Variants in C8A observed in about 807,000 individuals in gnomAD.
C8A encodes the protein complement component C8 alpha chain.
C8A carries 67 observed loss-of-function variants against 65.3 expected under a neutral mutation model. The observed-to-expected ratio is 1.03, with a 90% CI of 0.84 to 1.26. C8A has a LOEUF of 1.26. Ranked by LOEUF, C8A falls within the 50% of genes most tolerant of loss-of-function variation. C8A has a pLI of 0.00. For missense variants in C8A, 781 were observed against 723.9 expected (o/e 1.08, Z -0.90); for synonymous variants, 290 against 259.4 (o/e 1.12, Z -1.13).
chr1:56,912,455 C>T lies in C8A; in HGVS notation c.1433C>T (p.Ala478Val). 6.2e-7 allele frequency: 1 copy of T among 1,614,224 alleles called. No homozygotes were observed. Among genetic ancestry groups the T allele is most frequent in the Middle Eastern group, 1.6e-4 (1 of 6,062 alleles). ...CACACAAGCCTGGGGCCTCTGGAGG[C>T]CAAGCGCCAGAACCTGCGCCGCGCC... ...LRHTSLGPLE[A>V]KRQNLRRALD... The change falls in exon 10 of 11, where the codon GCC becomes GTC. Residue 478 changes from alanine to valine, a missense_variant. Transcript: ENST00000361249.
intron 2 of C8A, among the ~76,000 whole-genome samples, 166 bp downstream of exon 2, chr1:56,867,868 G>A (rs969657173): frequency 1.3e-5 from 2 of 151,770 alleles, no homozygotes; most frequent in Admixed American, 6.6e-5. Context: ...TTGTTTCCGT[G>A]TCTCCTAATT....
At chr1:56,916,684 G>A (rs959449618) in intron 10 of C8A, among the ~76,000 whole-genome samples, 6 of 151,938 alleles carry the variant, frequency 3.9e-5, no homozygotes, top group African/African-American at 1.5e-4. Context: ...AGAGGTTGGG[G>A]GTCTATGTAA....
chr1:56,855,247 C>A (rs1329528952), intron 1 of C8A, among the ~76,000 whole-genome samples: 1 of 152,114 alleles, frequency 6.6e-6, no homozygotes, highest in Admixed American at 6.5e-5. Flanking sequence ...GTTTCCCTAG[C>A]TGTAAAATGA....
intron 9 of C8A, among the ~76,000 whole-genome samples, chr1:56,908,639 C>T (rs1302382743): frequency 6.6e-6 from 1 of 152,138 alleles, no homozygotes; most frequent in Non-Finnish European, 1.5e-5. Context: ...TGGACTTGGA[C>T]CCAGGCTGCA....
intron 2 of C8A, among the ~76,000 whole-genome samples, chr1:56,868,231 G>A (rs1235927055): frequency 6.6e-6 from 1 of 151,848 alleles, no homozygotes; most frequent in Non-Finnish European, 1.5e-5. Flanking sequence ...ATGAAGGGAA[G>A]AGGGATGTTG....
intron 10 of C8A, among the ~76,000 whole-genome samples, chr1:56,912,954 T>G (rs1162477121): frequency 2.0e-5 from 3 of 152,210 alleles, no homozygotes; most frequent in Non-Finnish European, 4.4e-5. Context: ...AGAAGTGTAT[T>G]GTTTCAGACC....
In C8A at chr1:56,876,066, C is replaced by T; in HGVS notation, c.321C>T (p.Arg107=). 6.2e-7 allele frequency: 1 copy of T among 1,613,550 alleles called. No homozygotes were observed. The highest frequency in any genetic ancestry group is 8.5e-7 in the Non-Finnish European group (1 of 1,179,784). Residue 107 remains arginine (R), a synonymous_variant, in exon 4 of 11, where the codon CGC becomes CGT. Transcript: ENST00000361249. ...GQDFQCKETG[R]CLKRHLVCNG... is the part of the protein sequence containing the mutation. ...GCCACAGTCTCTTCTCTCCAGGTCG[C>T]TGCCTGAAACGCCACCTTGTGTGTA...
chr1:56,870,742 C>G (rs188532229), intron 2 of C8A, among the ~76,000 whole-genome samples: 4 of 149,636 alleles, frequency 2.7e-5, no homozygotes, highest in Non-Finnish European at 5.9e-5. Flanking sequence ...CAGTTTAAAT[C>G]AGAATAGAAT....
chr1:56,904,202 G>T (rs2284952), intron 7 of C8A, among the ~76,000 whole-genome samples: 75,586 of 151,892 alleles, frequency 0.5, 19,908 homozygotes, highest in African/African-American at 0.68. Context: ...TCCTGGATTT[G>T]GGTACCAGGT....
chr1:56,914,953 C>T (rs1774892), intron 10 of C8A, among the ~76,000 whole-genome samples: 15,614 of 152,244 alleles, frequency 0.1, 1,258 homozygotes, highest in African/African-American at 0.22. Context: ...CCTGGGATTA[C>T]AGGCATGAGC....
At chr1:56,900,207 T>C (rs112877476) in intron 7 of C8A, among the ~76,000 whole-genome samples, 7 of 152,308 alleles carry the variant, frequency 4.6e-5, no homozygotes, top group African/African-American at 1.7e-4. Flanking sequence ...GCATGATGAA[T>C]GTTCCTCTGC....
chr1:56,856,149 G>T (rs560087850), intron 1 of C8A, among the ~76,000 whole-genome samples: 1 of 152,206 alleles, frequency 6.6e-6, no homozygotes, highest in Admixed American at 6.5e-5. Flanking sequence ...AAGTGCTGAA[G>T]GAGGAAATCA....
chr1:56,865,237 A>C lies in C8A; in HGVS notation c.78-2372A>C, dbSNP rs569371439. ...AGTTAAGGTAGCCACTTGTCTTACT[A>C]CTTGGACTACTATAACAAATTACCA... On this transcript the variant is annotated intron_variant, in intron 1 of 10. Transcript: ENST00000361249. 3.3e-5 allele frequency among the ~76,000 whole-genome samples: 5 copies of C among 152,332 alleles called. No individual in the cohort carries two copies. In the South Asian group the frequency reaches 1.0e-3, roughly 32 times the overall value.
At chr1:56,863,033 T>G (rs575887668) in intron 1 of C8A, among the ~76,000 whole-genome samples, 1 of 152,292 alleles carries the variant, frequency 6.6e-6, no homozygotes, top group African/African-American at 2.4e-5. Context: ...CAATGTGTAT[T>G]ACCATAAATA....
At position 56,883,537 on chromosome 1, in the gene C8A, T is replaced by C; in HGVS notation, c.711T>C (p.Leu237=). Reference sequence around the variant, plus strand: ...TTTATGATAATGCAAATGACCTTCTTTCCAAAGTTAAAAAAGACAAGTCTG... The same window carrying C: ...TTTATGATAATGCAAATGACCTTCTCTCCAAAGTTAAAAAAGACAAGTCTG... ...SEFYDNANDL[L]SKVKKDKSDS... The change falls in exon 6 of 11, where the codon CTT becomes CTC. Residue 237 remains leucine, a synonymous_variant. Transcript: ENST00000361249. 6.2e-7 allele frequency: 1 copy of C among 1,614,022 alleles called. No homozygotes were observed. Among genetic ancestry groups the C allele is most frequent in the South Asian group, 1.1e-5 (1 of 91,092 alleles).
chr1:56,862,347 T>C (rs1406920782), intron 1 of C8A, among the ~76,000 whole-genome samples: 1 of 152,004 alleles, frequency 6.6e-6, no homozygotes, highest in East Asian at 1.9e-4. Context: ...TGTTACATAG[T>C]CTTACAGATG....
At chr1:56,901,433 T>C (rs1570347425) in intron 7 of C8A, among the ~76,000 whole-genome samples, 1 of 152,194 alleles carries the variant, frequency 6.6e-6, no homozygotes, top group Admixed American at 6.5e-5. Context: ...AGAAGCTCCA[T>C]GGAGGTGTGA....
Position 56,883,759 on chromosome 1 carries a change from AG to A in C8A, c.855+79del, listed in dbSNP as rs1644268031. 3 of 1,215,702 alleles carry A rather than the reference AG, an allele frequency of 2.5e-6. No individual in the cohort carries two copies. The Admixed American group carries it at 5.6e-5, about 23-fold the overall frequency. 75.3% of individuals were successfully genotyped at this position (1,215,702 alleles called of 1,614,324 possible). ...ACGTATTACCTTAATTGCATTAAAAAGTACAGTAGTAATTGAACCTTAATTT... is the reference window on the plus strand; with the variant it reads ...ACGTATTACCTTAATTGCATTAAAAATACAGTAGTAATTGAACCTTAATTT... On this transcript the variant is annotated intron_variant, in intron 6 of 10. Transcript: ENST00000361249.
At chr1:56,879,150 T>C (rs752707006) in intron 4 of C8A, among the ~76,000 whole-genome samples, 3 of 152,180 alleles carry the variant, frequency 2.0e-5, no homozygotes, top group Non-Finnish European at 2.9e-5. Flanking sequence ...CTGCAAAGCC[T>C]AAAGCATTTA....
Sources: allele counts gnomAD v4.1 joint callset (sites outside exome capture counted in the v4.1 genomes callset), GRCh38; gene constraint gnomAD v4.1.1; transcripts MANE v1.5; gene names NCBI Gene and HGNC (gene_info 2026-07-23, HGNC 2026-07-21).